Variants in CSMD1 observed in about 807,000 individuals in gnomAD.
CSMD1 encodes CUB and Sushi multiple domains 1, also known as CUB and sushi domain-containing protein 1.
CSMD1 carries 213 observed loss-of-function variants against 417.5 expected under a neutral mutation model. That is an observed-to-expected ratio of 0.51 (90% CI 0.46 to 0.57). The LOEUF (loss-of-function observed/expected upper bound fraction) is 0.57. Among genes scored for constraint, CSMD1 ranks in the 20% least tolerant of loss-of-function variants. The pLI, the probability that CSMD1 is intolerant of heterozygous loss-of-function variation, is 0.00. For missense variants in CSMD1, 6,923 were observed against 4,529.7 expected (o/e 1.53, Z -15.17); for synonymous variants, 2,862 against 1,736.8 (o/e 1.65, Z -16.11).
At chr8:4,147,439 T>C (rs1334222507) in intron 3 of CSMD1, among the ~76,000 whole-genome samples, 1 of 152,104 alleles carries the variant, frequency 6.6e-6, no homozygotes, top group Non-Finnish European at 1.5e-5. Flanking sequence ...ACCTACCTTC[T>C]GGAAAGTCCC....
At chr8:4,227,204 A>T (rs1801412079) in intron 3 of CSMD1, among the ~76,000 whole-genome samples, 1 of 152,146 alleles carries the variant, frequency 6.6e-6, no homozygotes, top group Admixed American at 6.5e-5. Flanking sequence ...TTTAAGTCAA[A>T]CTGAAAGTAC....
At chr8:3,542,874 G>A (rs1179615604) in intron 10 of CSMD1, among the ~76,000 whole-genome samples, 1 of 152,188 alleles carries the variant, frequency 6.6e-6, no homozygotes, top group African/African-American at 2.4e-5. Context: ...GTGTCCCTCA[G>A]CTACGGTGCA....
Position 3,175,638 on chromosome 8 carries a change from G to T in CSMD1, c.5725+5472C>A, listed in dbSNP as rs186125410. 3.0e-4 allele frequency among the ~76,000 whole-genome samples: 42 copies of T among 138,668 alleles called. 1 individual carries two copies. The East Asian group carries it at 9.8e-3, about 32-fold the overall frequency. 91.0% of individuals were successfully genotyped at this position (138,668 alleles called of 152,430 possible). ...AGGTTGCCTTTGCCATGGGTTTCAT[G>T]TTTGAGGCCCCGTTCCCTCTGCATA... On this transcript the variant is annotated intron_variant, in intron 37 of 69. Transcript: ENST00000635120.
intron 2 of CSMD1, among the ~76,000 whole-genome samples, chr8:4,455,747 A>T (rs986130083): frequency 6.6e-6 from 1 of 151,644 alleles, no homozygotes; most frequent in Admixed American, 6.6e-5. Context: ...CCTGGCCAAC[A>T]TGGTGAAACC....
chr8:3,603,961 A>T (rs1040701169), intron 8 of CSMD1, among the ~76,000 whole-genome samples: 1 of 152,222 alleles, frequency 6.6e-6, no homozygotes, highest in Non-Finnish European at 1.5e-5. Context: ...ATGTTCTTAC[A>T]AGTTTACCTG....
intron 40 of CSMD1, among the ~76,000 whole-genome samples, chr8:3,146,629 T>C (rs1818860019): frequency 6.6e-6 from 1 of 152,164 alleles, no homozygotes; most frequent in African/African-American, 2.4e-5. Flanking sequence ...TCAGTTCTTT[T>C]GGCTAGAGTT....
intron 1 of CSMD1, among the ~76,000 whole-genome samples, chr8:4,712,014 A>C (rs563303198): frequency 6.6e-6 from 1 of 152,158 alleles, no homozygotes; most frequent in African/African-American, 2.4e-5. Flanking sequence ...CTAAGAGTCT[A>C]CAGAGAAAAT....
chr8:4,240,356 T>C (rs1802320279), intron 3 of CSMD1, among the ~76,000 whole-genome samples: 1 of 152,226 alleles, frequency 6.6e-6, no homozygotes, highest in Non-Finnish European at 1.5e-5. Context: ...AGGAAACTCC[T>C]GCATTCTGGC....
chr8:3,866,015 A>G (rs987016630), intron 5 of CSMD1, among the ~76,000 whole-genome samples: 1 of 152,154 alleles, frequency 6.6e-6, no homozygotes, highest in Admixed American at 6.6e-5. Flanking sequence ...TAGTGAGATA[A>G]ATCGCCACCA....
In CSMD1 at chr8:4,235,990, T is replaced by G. The variant is rs192637604; in HGVS notation, c.415+183963A>C. The stretch of plus-strand genomic sequence containing the variant: ...GCTAAGCTACCTAGCAAGTGATTCG[T>G]GATAATCACTGTGAGCAAAGAGGTT... On this transcript the variant is annotated intron_variant, in intron 3 of 69. Transcript: ENST00000635120. 4.6e-5 allele frequency among the ~76,000 whole-genome samples: 7 copies of G among 150,776 alleles called. No individual in the cohort carries two copies. In the East Asian group the frequency reaches 1.4e-3, roughly 30 times the overall value.
chr8:3,454,004 G>C (rs1018532822), intron 12 of CSMD1, among the ~76,000 whole-genome samples: 1 of 152,014 alleles, frequency 6.6e-6, no homozygotes. Flanking sequence ...TCCTGTATTG[G>C]GTGCATATAT....
intron 6 of CSMD1, among the ~76,000 whole-genome samples, chr8:3,752,913 G>C (rs1370055415): frequency 6.6e-6 from 1 of 152,134 alleles, no homozygotes; most frequent in African/African-American, 2.4e-5. Flanking sequence ...ATTTTAAAAT[G>C]TGTAAGATAA....
At chr8:3,017,319 T>A (rs1222314147) in intron 52 of CSMD1, among the ~76,000 whole-genome samples, 1 of 152,158 alleles carries the variant, frequency 6.6e-6, no homozygotes, top group Admixed American at 6.6e-5. Context: ...TTCAGAAGGA[T>A]ATTTAGGAAT....
rs570732230 is a variant in CSMD1 at position 4,150,224 on chromosome 8, G to C, written c.416-118125C>G. On this transcript the variant is annotated intron_variant, in intron 3 of 69. Transcript: ENST00000635120. ...CACAGGATCGGCCCCAGGAAAACAG[G>C]GCCATTTTTCCATCATGCACCTCCC... 1.4e-4 allele frequency among the ~76,000 whole-genome samples: 22 copies of C among 152,222 alleles called. No homozygotes were observed. In the South Asian group the frequency reaches 4.6e-3, roughly 32 times the overall value.
intron 1 of CSMD1, among the ~76,000 whole-genome samples, chr8:4,860,412 A>G (rs550604048): frequency 4.1e-5 from 6 of 144,758 alleles, no homozygotes; most frequent in Non-Finnish European, 7.6e-5. Flanking sequence ...AAAGTATATA[A>G]AAAAAAAAAA....
In CSMD1 at chr8:3,679,087, T is replaced by C. The variant is rs201649587; in HGVS notation, c.1009+29327A>G. Among the ~76,000 whole-genome samples, 21 of 152,032 alleles carry C rather than the reference T, an allele frequency of 1.4e-4. 1 individual carries two copies. Among genetic ancestry groups the C allele is most frequent in the African/African-American group, 2.7e-4 (11 of 41,476 alleles). On this transcript the variant is annotated intron_variant, in intron 7 of 69. Coordinates refer to ENST00000635120, the MANE Select transcript of CSMD1 (RefSeq NM_033225.6). ...CTAGCCACTGCAAAAACATGCCAAA[T>C]TGTAAAGACCATCGAGGCTAGGAAG...
chr8:4,230,270 T>C lies in CSMD1; in HGVS notation c.415+189683A>G, dbSNP rs1242747692. Among the ~76,000 whole-genome samples, 3 of 152,204 alleles carry C rather than the reference T, an allele frequency of 2.0e-5. 1 individual carries two copies. Among genetic ancestry groups the C allele is most frequent in the Non-Finnish European group, 4.4e-5 (3 of 68,032 alleles). ...TAGATTTATATCGTTGAGTATCTTA[T>C]ATTCTAGATTTATATTAAAACATTT... is the stretch of plus-strand genomic sequence containing the variant. On this transcript the variant is annotated intron_variant, in intron 3 of 69. Coordinates refer to ENST00000635120, the MANE Select transcript of CSMD1 (RefSeq NM_033225.6).
chr8:3,436,520 A>G (rs7005153), intron 12 of CSMD1, among the ~76,000 whole-genome samples: 82,937 of 151,982 alleles, frequency 0.55, 22,996 homozygotes, highest in East Asian at 0.72. Context: ...ATTAAGTGTA[A>G]TGTTTAGTGG....
Position 3,931,409 on chromosome 8 carries a change from G to T in CSMD1, c.818+66494C>A, listed in dbSNP as rs923664406. Among the ~76,000 whole-genome samples the T allele has an allele frequency of 1.3e-5, 2 of 150,314 alleles. 1 individual carries two copies. The highest frequency in any genetic ancestry group is 3.0e-5 in the Non-Finnish European group (2 of 67,552). On this transcript the variant is annotated intron_variant, in intron 5 of 69. Transcript: ENST00000635120. ...TCACATTCATTCTTTTACCCATTCT[G>T]GGTATTGTGGAAAAAAAAATCTTTC...
Sources: allele counts gnomAD v4.1 joint callset (sites outside exome capture counted in the v4.1 genomes callset), GRCh38; gene constraint gnomAD v4.1.1; transcripts MANE v1.5; gene names NCBI Gene and HGNC (gene_info 2026-07-23, HGNC 2026-07-21).